The following DNAH14 variants were observed in gnomAD, a reference collection of about 807,000 sequenced individuals.
The protein encoded by DNAH14 is axonemal beta dynein heavy chain 14.
A neutral mutation model predicts 520.9 loss-of-function variants in DNAH14; 478 were observed. That is an observed-to-expected ratio of 0.92 (90% confidence interval 0.85 to 0.99). The LOEUF is 0.99. DNAH14 is among the 50% of genes least tolerant of loss of function. DNAH14 has a pLI of 0.00. For synonymous variants in DNAH14, 1,581 were observed against 1,757.2 expected, an observed-to-expected ratio of 0.90 and a Z score of 2.51; for missense variants, 4,831 against 5,234.5, an observed-to-expected ratio of 0.92 and a Z score of 2.38.
intron 17 of DNAH14, among the ~76,000 whole-genome samples, chr1:225,052,826 A>G (rs1250136029): frequency 1.3e-5 from 2 of 152,188 alleles, no homozygotes; most frequent in African/African-American, 4.8e-5. Context: ...AGTGGCTTAC[A>G]CAAGTTTGAA....
chr1:225,078,768 ATCTCTCTCTCTCTCTCTCTCTCTCTC>A (rs1170812870), intron 17 of DNAH14, among the ~76,000 whole-genome samples: 33 of 15,678 alleles, frequency 2.1e-3, no homozygotes, highest in African/African-American at 0.011. Context: ...CCCATTCTCA[ATCTCTCTCTCTCTCTCTCTCTCTCTC>A]TCTCTCTCTC....
intron 13 of DNAH14, among the ~76,000 whole-genome samples, 162 bp downstream of exon 13, chr1:225,043,276 G>GAAAAAAAAA (rs10671374): frequency 1.0e-5 from 1 of 98,162 alleles, no homozygotes. Context: ...GTCTCTTGGG[G>GAAAAAAAAA]AAAAAAAAAA....
intron 69 of DNAH14, among the ~76,000 whole-genome samples, chr1:225,341,144 A>G (rs1208736364): frequency 1.3e-5 from 2 of 151,804 alleles, no homozygotes; most frequent in Non-Finnish European, 2.9e-5. Flanking sequence ...TTACTCCATC[A>G]CCCAGTCTGG....
At chr1:225,278,938 C>A (rs77827124) in intron 54 of DNAH14, among the ~76,000 whole-genome samples, 7,529 of 152,174 alleles carry the variant, frequency 0.049, 463 homozygotes, top group East Asian at 0.24. Context: ...TAAAACATGG[C>A]AAATTCCTGA....
chr1:225,218,161 T>C (rs6681300), intron 41 of DNAH14, among the ~76,000 whole-genome samples: 5,331 of 152,198 alleles, frequency 0.035, 296 homozygotes, highest in African/African-American at 0.12. Context: ...AAGGAAGCAC[T>C]AAATATGGAA....
intron 49 of DNAH14, 87 bp downstream of exon 49, chr1:225,266,856 T>A: frequency 7.7e-7 from 1 of 1,296,402 alleles, no homozygotes; most frequent in Non-Finnish European, 1.0e-6. Context: ...GTGAATTGCT[T>A]GAGAAAGTTA....
intron 60 of DNAH14, among the ~76,000 whole-genome samples, chr1:225,309,531 T>A (rs949340152): frequency 6.6e-6 from 1 of 152,122 alleles, no homozygotes; most frequent in African/African-American, 2.4e-5. Context: ...GTGCCACCTA[T>A]CTCACTGAGT....
In DNAH14 at chr1:225,153,754, A is replaced by G. The variant is rs777659319; in HGVS notation, c.5201A>G (p.His1734Arg). ...LARKQLSQQD[H>R]YNFGLRSLKI... ...AAATATTTTAATGTTTGATAGGATC[A>G]TTATAATTTTGGCTTGAGATCTCTG... The change falls in exon 34 of 86, where the codon CAT becomes CGT. Residue 1734 changes from histidine (H) to arginine (R), a missense_variant. Physicochemically the swap from His to Arg is conservative, Grantham distance 29. Transcript: ENST00000682510. 6.5e-7 allele frequency: 1 copy of G among 1,543,720 alleles called. No homozygotes were observed. Among genetic ancestry groups the G allele is most frequent in the South Asian group, 1.2e-5 (1 of 83,102 alleles).
At chr1:225,254,456 T>C (rs568225748) in intron 44 of DNAH14, among the ~76,000 whole-genome samples, 70 of 152,254 alleles carry the variant, frequency 4.6e-4, no homozygotes, top group Non-Finnish European at 4.9e-4. Flanking sequence ...GGCCAAAAAA[T>C]TGGCAACATT....
chr1:225,307,583 G>T lies in DNAH14; in HGVS notation c.9114+14G>T. ...CAAAAAACAAAGGTATGTTTGCTTTGAAATCTCTTTTAAAGATTTTATAGT... is the reference window on the plus strand; with the variant it reads ...CAAAAAACAAAGGTATGTTTGCTTTTAAATCTCTTTTAAAGATTTTATAGT... On this transcript the variant is annotated intron_variant, in intron 59 of 85. Transcript: ENST00000682510. The T allele has an allele frequency of 2.0e-6, 3 of 1,515,304 alleles. No homozygotes were observed. Among genetic ancestry groups the T allele is most frequent in the Non-Finnish European group, 2.7e-6 (3 of 1,129,160 alleles). 93.9% of individuals were successfully genotyped at this position (1,515,304 alleles called of 1,614,324 possible).
Position 225,303,048 on chromosome 1 carries a change from A to G in DNAH14, c.8632-108A>G, listed in dbSNP as rs141718809. The G allele has an allele frequency of 8.3e-6, 7 of 839,996 alleles. No homozygotes were observed. The East Asian group carries it at 1.4e-4, about 16-fold the overall frequency. 52.0% of individuals were successfully genotyped at this position (839,996 alleles called of 1,614,324 possible). On this transcript the variant is annotated intron_variant, in intron 56 of 85. Transcript: ENST00000682510. ...TGCACAAATGATCAGTCCCTGATCT[A>G]CCCACTAAGGAAAGATCTGAAATAT... is the stretch of plus-strand genomic sequence containing the variant.
At chr1:225,200,172 A>G (rs758882397) in intron 38 of DNAH14, among the ~76,000 whole-genome samples, 1 of 152,042 alleles carries the variant, frequency 6.6e-6, no homozygotes, top group African/African-American at 2.4e-5. Context: ...TTGGGTGTCT[A>G]TTTGCATGGA....
chr1:225,079,145 T>TA (rs2072799408), intron 17 of DNAH14, 62 bp from the exon 18 acceptor site: 1 of 1,368,220 alleles, frequency 7.3e-7, no homozygotes, highest in African/African-American at 1.5e-5. Context: ...TTAAAAAGAG[T>TA]AATTAGTCTT....
intron 81 of DNAH14, among the ~76,000 whole-genome samples, chr1:225,383,974 T>G (rs1575131819): frequency 6.6e-6 from 1 of 152,330 alleles, no homozygotes; most frequent in East Asian, 1.9e-4. Context: ...CATCTTTATT[T>G]CGGCCTTCAT....
At chr1:224,946,020 A>G (rs191219631) in intron 1 of DNAH14, among the ~76,000 whole-genome samples, 1 of 152,354 alleles carries the variant, frequency 6.6e-6, no homozygotes, top group East Asian at 1.9e-4. Flanking sequence ...CAAAGCTGTC[A>G]GACAGGGACA....
At chr1:225,348,342 C>T (rs1232038983) in intron 71 of DNAH14, among the ~76,000 whole-genome samples, 2 of 151,920 alleles carry the variant, frequency 1.3e-5, no homozygotes, top group East Asian at 3.8e-4. Flanking sequence ...CTTCCCAAAT[C>T]TAAGGAAAGA....
At chr1:224,980,783 C>T (rs2062208625) in intron 8 of DNAH14, among the ~76,000 whole-genome samples, 1 of 152,150 alleles carries the variant, frequency 6.6e-6, no homozygotes. Flanking sequence ...ACATCCGACC[C>T]AGTGCAATCA....
At chr1:225,077,807 G>A (rs2148542878) in intron 17 of DNAH14, among the ~76,000 whole-genome samples, 1 of 152,220 alleles carries the variant, frequency 6.6e-6, no homozygotes, top group East Asian at 1.9e-4. Flanking sequence ...TAAAATTTCT[G>A]ATGGATTAAC....
chr1:225,074,223 T>A (rs989621966), intron 17 of DNAH14, among the ~76,000 whole-genome samples: 22 of 151,842 alleles, frequency 1.4e-4, no homozygotes, highest in Middle Eastern at 3.4e-3. Context: ...ATGGTCTCGA[T>A]CTCCTGACCT....
Sources: allele counts gnomAD v4.1 joint callset (sites outside exome capture counted in the v4.1 genomes callset), GRCh38; gene constraint gnomAD v4.1.1; transcripts MANE v1.5; gene names NCBI Gene and HGNC (gene_info 2026-07-23, HGNC 2026-07-21).